Variants in SOX5 observed in about 807,000 individuals in gnomAD.
SOX5 encodes the protein SRY-box transcription factor 5, also known as transcription factor SOX-5.
In SOX5, 9 loss-of-function variants were observed where a neutral mutation model predicts 92.0. The ratio of observed to expected loss-of-function variants is 0.10; its 90% confidence interval spans 0.06 to 0.17. The LOEUF is 0.17. SOX5 is among the 10% of genes least tolerant of loss of function. The probability of loss-of-function intolerance (pLI) is 1.00; values close to 1 mark genes in which losing one functional copy is unlikely to be tolerated. For missense variants in SOX5, 642 were observed against 944.5 expected (o/e 0.68, Z 4.20); for synonymous variants, 344 against 336.3 (o/e 1.02, Z -0.25).
chr12:24,524,907 T>C (rs1465398071), intron 1 of SOX5, among the ~76,000 whole-genome samples: 1 of 152,138 alleles, frequency 6.6e-6, no homozygotes, highest in Non-Finnish European at 1.5e-5. Flanking sequence ...GAGATTGCAG[T>C]GAGCTAGGAT....
In SOX5 at chr12:24,173,565, TGAG is replaced by T. The variant is rs199832544; in HGVS notation, c.-2+39775_-2+39777del. On this transcript the variant is annotated intron_variant, in intron 4 of 4. Transcript: ENST00000446891. ...TTCCAGCTTTCTACCTGGTAATCAG[TGAG>T]GAGTATTCATATAGCAACATGGTGA... Among the ~76,000 whole-genome samples, 682 of 152,224 alleles carry T rather than the reference TGAG, an allele frequency of 4.5e-3. 4 individuals are homozygous for T. The highest frequency in any genetic ancestry group is 0.016 in the African/African-American group (660 of 41,516).
At chr12:23,852,714 T>G (rs1415209718) in intron 2 of SOX5, among the ~76,000 whole-genome samples, 1 of 152,134 alleles carries the variant, frequency 6.6e-6, no homozygotes, top group Non-Finnish European at 1.5e-5. Context: ...GATAGCATAG[T>G]GACAGGTGAT....
chr12:23,857,855 C>A (rs1341089759), intron 2 of SOX5, among the ~76,000 whole-genome samples: 1 of 151,978 alleles, frequency 6.6e-6, no homozygotes, highest in Non-Finnish European at 1.5e-5. Flanking sequence ...GCCTCAGCCT[C>A]CTGAGTAGGT....
chr12:24,197,032 C>T (rs955704460), intron 4 of SOX5, among the ~76,000 whole-genome samples: 2 of 152,182 alleles, frequency 1.3e-5, no homozygotes, highest in Admixed American at 1.3e-4. Context: ...ACAATTTTTG[C>T]TTCACCAGGC....
At chr12:23,684,743 C>T (rs1566961984) in intron 6 of SOX5, among the ~76,000 whole-genome samples, 1 of 152,104 alleles carries the variant, frequency 6.6e-6, no homozygotes, top group Non-Finnish European at 1.5e-5. Context: ...ATGGTAAAGG[C>T]TTCCCAACTG....
chr12:24,125,641 G>A (rs1316982222), intron 4 of SOX5, among the ~76,000 whole-genome samples: 1 of 152,058 alleles, frequency 6.6e-6, no homozygotes, highest in Non-Finnish European at 1.5e-5. Context: ...GATGTGTTAA[G>A]GTTAAAATAA....
chr12:23,712,030 G>T (rs1248762281), intron 6 of SOX5, among the ~76,000 whole-genome samples: 2 of 152,162 alleles, frequency 1.3e-5, no homozygotes, highest in African/African-American at 4.8e-5. Flanking sequence ...AGGTCATACA[G>T]GTAGTGAGTA....
At chr12:24,379,927 C>T (rs1957661715) in intron 1 of SOX5, among the ~76,000 whole-genome samples, 1 of 144,102 alleles carries the variant, frequency 6.9e-6, no homozygotes, top group South Asian at 2.2e-4. Flanking sequence ...TTTCAAATAC[C>T]ACCACACTAT....
chr12:24,165,106 G>T (rs1953241102), intron 4 of SOX5, among the ~76,000 whole-genome samples: 1 of 151,872 alleles, frequency 6.6e-6, no homozygotes, highest in South Asian at 2.1e-4. Flanking sequence ...TTTTCAAAGT[G>T]GTATTTCAAA....
intron 1 of SOX5, among the ~76,000 whole-genome samples, chr12:24,549,427 A>G (rs1459763304): frequency 6.6e-6 from 1 of 152,230 alleles, no homozygotes; most frequent in Non-Finnish European, 1.5e-5. Flanking sequence ...AAACAAAACA[A>G]AAAGAGAAAG....
intron 3 of SOX5, among the ~76,000 whole-genome samples, chr12:23,831,871 G>A (rs2096328565): frequency 6.6e-6 from 1 of 151,576 alleles, no homozygotes; most frequent in African/African-American, 2.4e-5. Context: ...AATTTTGGAG[G>A]TGTAGGCGTC....
At chr12:24,138,663 T>C (rs1043815815) in intron 4 of SOX5, among the ~76,000 whole-genome samples, 5 of 152,228 alleles carry the variant, frequency 3.3e-5, no homozygotes, top group Non-Finnish European at 7.3e-5. Context: ...ATTTTAAGCA[T>C]ATTTATTCTT....
intron 3 of SOX5, among the ~76,000 whole-genome samples, chr12:23,803,746 A>C (rs890336641): frequency 6.6e-6 from 1 of 152,248 alleles, no homozygotes; most frequent in African/African-American, 2.4e-5. Flanking sequence ...GCACAAAAAA[A>C]ATGAGCACAG....
chr12:23,846,588 G>C (rs979512100), intron 2 of SOX5, among the ~76,000 whole-genome samples: 6 of 152,076 alleles, frequency 3.9e-5, no homozygotes, highest in Non-Finnish European at 8.8e-5. Context: ...ATTTTCTTAT[G>C]GGTATTAAAT....
chr12:24,417,776 A>T (rs1237028927), intron 1 of SOX5, among the ~76,000 whole-genome samples: 1 of 152,204 alleles, frequency 6.6e-6, no homozygotes, highest in African/African-American at 2.4e-5. Context: ...GGTCAAGAAA[A>T]ACATGGTGGT....
At chr12:23,862,501 C>G (rs913729163) in intron 2 of SOX5, among the ~76,000 whole-genome samples, 3 of 152,166 alleles carry the variant, frequency 2.0e-5, no homozygotes, top group Non-Finnish European at 4.4e-5. Context: ...CCAACGAAGA[C>G]TGGCTTTAAA....
chr12:23,842,329 G>C (rs1307866176), intron 3 of SOX5, among the ~76,000 whole-genome samples: 1 of 152,000 alleles, frequency 6.6e-6, no homozygotes, highest in Non-Finnish European at 1.5e-5. Flanking sequence ...AAATGAAGCT[G>C]CAATAATCCA....
intron 1 of SOX5, among the ~76,000 whole-genome samples, chr12:24,439,962 G>T (rs972527795): frequency 6.6e-6 from 1 of 152,170 alleles, no homozygotes; most frequent in Non-Finnish European, 1.5e-5. Flanking sequence ...ATACGCAAGT[G>T]CATGGTGCCT....
At chr12:24,475,364 T>C (rs902830017) in intron 1 of SOX5, among the ~76,000 whole-genome samples, 7 of 152,236 alleles carry the variant, frequency 4.6e-5, no homozygotes, top group Non-Finnish European at 1.5e-5. Flanking sequence ...TATAGGAGCA[T>C]AAGCCTCTCG....
Sources: allele counts gnomAD v4.1 joint callset (sites outside exome capture counted in the v4.1 genomes callset), GRCh38; gene constraint gnomAD v4.1.1; transcripts MANE v1.5; gene names NCBI Gene and HGNC (gene_info 2026-07-23, HGNC 2026-07-21).